Variants in RGS3 observed in about 807,000 individuals in gnomAD.
RGS3 encodes regulator of G-protein signalling 3.
In RGS3, 80 loss-of-function variants were observed where a neutral mutation model predicts 132.6. The ratio of observed to expected loss-of-function variants is 0.60; its 90% CI spans 0.50 to 0.73. The LOEUF is 0.73. RGS3 is among the 30% of genes least tolerant of loss of function. The probability of loss-of-function intolerance (pLI) is 0.00; values close to 1 mark genes in which losing one functional copy is unlikely to be tolerated. For missense variants in RGS3, 1,382 were observed against 1,530.8 expected (o/e 0.90, Z 1.62); for synonymous variants, 598 against 620.6 (o/e 0.96, Z 0.54).
rs771839492 is a variant in RGS3, at chr9:113,505,406, A to G, written c.898-36A>G. ...CCTTGGGGTAGAGGCAAGAGCCTCC[A>G]GCTTCTGGCAGTGACCGGGCAGGGC... On this transcript the variant is annotated intron_variant, in intron 10 of 24. Transcript: ENST00000350696. 2.0e-5 allele frequency: 32 copies of G among 1,602,672 alleles called. No individual in the cohort carries two copies. The Admixed American group carries it at 5.3e-4, about 27-fold the overall frequency.
At chr9:113,572,276 G>C (rs1212245150) in intron 19 of RGS3, among the ~76,000 whole-genome samples, 2 of 152,056 alleles carry the variant, frequency 1.3e-5, no homozygotes, top group Non-Finnish European at 2.9e-5. Flanking sequence ...GGCCAAGGGA[G>C]ATAAGAGAAA....
chr9:113,520,742 A>AAC (rs1831912577), intron 16 of RGS3, among the ~76,000 whole-genome samples: 3 of 151,836 alleles, frequency 2.0e-5, no homozygotes. Context: ...TCGGACTTTG[A>AAC]AGTCTTCTCA....
intron 7 of RGS3, among the ~76,000 whole-genome samples, chr9:113,494,115 G>C (rs112614715): frequency 0.039 from 5,998 of 152,110 alleles, 164 homozygotes; most frequent in South Asian, 0.1. Flanking sequence ...GGGTAAGAGA[G>C]AGGAGAACAG....
chr9:113,523,304 G>A (rs1832051196), intron 17 of RGS3, among the ~76,000 whole-genome samples: 1 of 152,152 alleles, frequency 6.6e-6, no homozygotes, highest in African/African-American at 2.4e-5. Flanking sequence ...AAGAGCTTTG[G>A]ATTCAGACAG....
chr9:113,502,180 T>C (rs1188601643), intron 10 of RGS3, among the ~76,000 whole-genome samples: 1 of 152,158 alleles, frequency 6.6e-6, no homozygotes, highest in African/African-American at 2.4e-5. Flanking sequence ...TAGCCTCCGG[T>C]CTTAGAAAGG....
chr9:113,541,835 C>T, intron 19 of RGS3: 2 of 991,170 alleles, frequency 2.0e-6, no homozygotes, highest in Non-Finnish European at 2.4e-6. Flanking sequence ...TCCGCCCATC[C>T]ACTCATTTTC....
intron 19 of RGS3, among the ~76,000 whole-genome samples, chr9:113,568,187 C>T (rs1276564746): frequency 6.6e-6 from 1 of 152,260 alleles, no homozygotes; most frequent in African/African-American, 2.4e-5. Flanking sequence ...GGTTCCCCTG[C>T]CCAGGCCTCT....
In RGS3 at chr9:113,529,408, G is replaced by GT. The variant is rs2118533100; in HGVS notation, c.1914+150dup. 5.6e-6 allele frequency: 4 copies of GT among 714,650 alleles called. No homozygotes were observed. In the South Asian group the frequency reaches 6.6e-5, roughly 12 times the overall value. The allele number at this position is 714,650 out of a possible 1,614,324, so 44.3% of individuals were successfully genotyped here. A position where few individuals can be genotyped will look rare whatever the true frequency, so the allele number is the denominator to read the frequency against. ...AGTCCTGGGCAAGGCCAGAGTAGCG[G>GT]TTTTTTGCTAGGTAGAATGGGACTA... is the stretch of plus-strand genomic sequence containing the variant. On this transcript the variant is annotated intron_variant, in intron 18 of 24. Coordinates refer to ENST00000350696, the Ensembl canonical transcript of RGS3.
chr9:113,537,379 T>C lies in RGS3; in HGVS notation c.2037+461T>C, dbSNP rs190377862. Among the ~76,000 whole-genome samples, 2 of 152,208 alleles carry C rather than the reference T, an allele frequency of 1.3e-5. No individual in the cohort carries two copies. Among genetic ancestry groups the C allele is most frequent in the Non-Finnish European group, 2.9e-5 (2 of 68,010 alleles). ...TAGTTCCATGTGGGCCAGAGCCAAG[T>C]AGAGCTGAGTGTGGACTGCTGGGGT... On this transcript the variant is annotated intron_variant, in intron 19 of 24. Transcript: ENST00000350696. The surrounding 1 kb of genome is among the most constrained non-coding windows in gnomAD (Gnocchi z 4.3).
At chr9:113,557,116 A>G (rs1201133493) in intron 19 of RGS3, among the ~76,000 whole-genome samples, 1 of 152,286 alleles carries the variant, frequency 6.6e-6, no homozygotes, top group Non-Finnish European at 1.5e-5. Flanking sequence ...TGCAGTATGC[A>G]TTAGTCAGCA....
intron 2 of RGS3, chr9:113,461,992 T>C: frequency 1.2e-6 from 2 of 1,608,870 alleles, no homozygotes; most frequent in Non-Finnish European, 1.7e-6. Flanking sequence ...AGGCCATGGC[T>C]AACTCATGCT....
intron 5 of RGS3, among the ~76,000 whole-genome samples, 164 bp downstream of exon 3, chr9:113,483,281 A>G (rs563570714): frequency 7.2e-4 from 109 of 152,306 alleles, no homozygotes; most frequent in African/African-American, 2.5e-3. Context: ...TGCTGGGACA[A>G]ACCCATTCCC....
chr9:113,595,933 C>T (rs1247101557), intron 24 of RGS3, among the ~76,000 whole-genome samples, 168 bp downstream of exon 22: 1 of 152,208 alleles, frequency 6.6e-6, no homozygotes, highest in Non-Finnish European at 1.5e-5. Flanking sequence ...AGAACAGAAT[C>T]CCAGTTAGTA....
chr9:113,585,595 C>T (rs1226299294), intron 20 of RGS3, among the ~76,000 whole-genome samples: 1 of 152,216 alleles, frequency 6.6e-6, no homozygotes, highest in Non-Finnish European at 1.5e-5. Context: ...AGGAAGATAC[C>T]TCTCAGCTTG....
In RGS3 at chr9:113,484,340, A is replaced by C. The variant is rs886319480; in HGVS notation, c.620+108A>C. On this transcript the variant is annotated intron_variant, in intron 6 of 24. Transcript: ENST00000350696. ...ACTAGATCTATGCAAAAAAAAAAAA[A>C]AAAAAAAAACCAAAACAAAAAAAAC... The C allele has an allele frequency of 1.1e-4, 57 of 502,078 alleles. 2 individuals are homozygous for C. Among genetic ancestry groups the C allele is most frequent in the Non-Finnish European group, 1.4e-4 (39 of 281,670 alleles). The allele number at this position is 502,078 out of a possible 1,614,324, so 31.1% of individuals were successfully genotyped here. A position where few individuals can be genotyped will look rare whatever the true frequency, so the allele number is the denominator to read the frequency against.
intron 7 of RGS3, among the ~76,000 whole-genome samples, chr9:113,495,076 T>C (rs1415679861): frequency 6.6e-6 from 1 of 152,184 alleles, no homozygotes; most frequent in Non-Finnish European, 1.5e-5. Context: ...GGTTTCACCA[T>C]GTTGGCCAGG....
chr9:113,562,204 C>T (rs1193544375), intron 19 of RGS3, among the ~76,000 whole-genome samples: 6 of 152,104 alleles, frequency 3.9e-5, no homozygotes, highest in Non-Finnish European at 8.8e-5. Context: ...AGGCTGGGCA[C>T]GTGGCTCTTG....
intron 3 of RGS3, among the ~76,000 whole-genome samples, chr9:113,477,816 G>A (rs1830039808): frequency 6.6e-6 from 1 of 152,240 alleles, no homozygotes; most frequent in Non-Finnish European, 1.5e-5. Flanking sequence ...TGACTGGGCA[G>A]AGGGAGGGCA....
chr9:113,542,930 A>T (rs1273262777), intron 19 of RGS3, among the ~76,000 whole-genome samples: 1 of 152,062 alleles, frequency 6.6e-6, no homozygotes, highest in Non-Finnish European at 1.5e-5. Context: ...GCTCTAGTGG[A>T]GACTGTGCTG....
Sources: gnomAD v4.1 joint callset for allele counts (sites outside exome capture counted in the v4.1 genomes callset) on GRCh38, gnomAD v4.1.1 for gene constraint, Gnocchi (gnomAD v3.1) non-coding constraint, MANE v1.5 for transcripts, NCBI Gene and HGNC (gene_info 2026-07-23, HGNC 2026-07-21) for gene names.